Variants in SYN3 observed in about 807,000 individuals in gnomAD.
SYN3 encodes synapsin III.
A neutral mutation model predicts 65.8 loss-of-function variants in SYN3; 35 were observed. That is an observed-to-expected ratio of 0.53 (90% CI 0.41 to 0.70). The LOEUF is 0.70. Among genes scored for constraint, SYN3 ranks in the 30% least tolerant of loss-of-function variants. The probability of loss-of-function intolerance (pLI) is 0.00; values close to 1 mark genes in which losing one functional copy is unlikely to be tolerated. For synonymous variants in SYN3, 270 were observed against 292.9 expected, an observed-to-expected ratio of 0.92 and a Z score of 0.80; for missense variants, 680 against 749.0, an observed-to-expected ratio of 0.91 and a Z score of 1.08.
chr22:32,583,089 C>T (rs1387771217), intron 7 of SYN3, among the ~76,000 whole-genome samples: 1 of 152,186 alleles, frequency 6.6e-6, no homozygotes, highest in East Asian at 1.9e-4. Context: ...AGATCAGGGT[C>T]TGCCGCTAGT....
chr22:32,902,143 C>T (rs922168257), intron 4 of SYN3, among the ~76,000 whole-genome samples: 2 of 152,216 alleles, frequency 1.3e-5, no homozygotes, highest in Non-Finnish European at 2.9e-5. Context: ...CCCTAGGTGG[C>T]GGCTGTTCCC....
rs577065302 is a variant in SYN3 at position 33,047,475 on chromosome 22, G to A, written c.-163+10817C>T. Among the ~76,000 whole-genome samples, 4 of 152,158 alleles carry A rather than the reference G, an allele frequency of 2.6e-5. No individual in the cohort carries two copies. The East Asian group carries it at 7.7e-4, about 29-fold the overall frequency. ...CCCTGAGTAAAGCAGTCCTAGCCCCGAACATTTAATTCAGCTGTTGGTGCT... is the reference window on the plus strand; with the variant it reads ...CCCTGAGTAAAGCAGTCCTAGCCCCAAACATTTAATTCAGCTGTTGGTGCT... On this transcript the variant is annotated intron_variant, in intron 1 of 13. Transcript: ENST00000358763.
chr22:32,812,168 G>A (rs969134787), intron 6 of SYN3, among the ~76,000 whole-genome samples: 1 of 152,130 alleles, frequency 6.6e-6, no homozygotes, highest in Non-Finnish European at 1.5e-5. Flanking sequence ...TGCCTACTAT[G>A]GTCAAGTTTT....
At chr22:32,744,836 G>A (rs2044877972) in intron 6 of SYN3, among the ~76,000 whole-genome samples, 1 of 152,204 alleles carries the variant, frequency 6.6e-6, no homozygotes, top group East Asian at 1.9e-4. Context: ...TCTGACAAGA[G>A]GGCAGACCCA....
chr22:32,716,219 C>A (rs988017289), intron 6 of SYN3, among the ~76,000 whole-genome samples: 1 of 152,106 alleles, frequency 6.6e-6, no homozygotes, highest in Non-Finnish European at 1.5e-5. Context: ...CACTTGAGTA[C>A]CTCATCCCTT....
chr22:32,846,214 A>C (rs2048058074), intron 6 of SYN3, among the ~76,000 whole-genome samples: 1 of 152,212 alleles, frequency 6.6e-6, no homozygotes, highest in African/African-American at 2.4e-5. Context: ...ATGGGTGATA[A>C]GGTGGGATGG....
At chr22:32,613,801 GCTCTCTTGGTGT>G (rs1315076786) in intron 6 of SYN3, among the ~76,000 whole-genome samples, 1 of 152,136 alleles carries the variant, frequency 6.6e-6, no homozygotes, top group Non-Finnish European at 1.5e-5. Context: ...GGTGACTGGT[GCTCTCTTGGTGT>G]CTTTGTTGTT....
intron 8 of SYN3, among the ~76,000 whole-genome samples, chr22:32,540,317 G>A (rs1345996869): frequency 1.3e-5 from 2 of 152,200 alleles, no homozygotes; most frequent in African/African-American, 4.8e-5. Flanking sequence ...GATTCGGCCT[G>A]TGGTTGTGGT....
chr22:32,891,756 C>G (rs541251086), intron 4 of SYN3, among the ~76,000 whole-genome samples: 1 of 152,014 alleles, frequency 6.6e-6, no homozygotes, highest in Non-Finnish European at 1.5e-5. Flanking sequence ...TACATACTTC[C>G]GTATAACTCA....
At chr22:32,933,803 G>A (rs535277869) in intron 3 of SYN3, among the ~76,000 whole-genome samples, 1 of 152,210 alleles carries the variant, frequency 6.6e-6, no homozygotes, top group South Asian at 2.1e-4. Flanking sequence ...GCATTAGGTG[G>A]CTTATAACTG....
chr22:32,564,840 A>G (rs1356995051), intron 7 of SYN3, among the ~76,000 whole-genome samples: 494 of 89,606 alleles, frequency 5.5e-3, no homozygotes, highest in Middle Eastern at 9.4e-3. Flanking sequence ...CTCCCGGACT[A>G]CACCCAAACA....
chr22:32,815,959 C>T (rs1316632145), intron 6 of SYN3, among the ~76,000 whole-genome samples: 1 of 152,198 alleles, frequency 6.6e-6, no homozygotes, highest in African/African-American at 2.4e-5. Flanking sequence ...TGAGTCTCAA[C>T]ACTTTCTGCC....
chr22:32,791,028 G>A (rs1318720265), intron 6 of SYN3, among the ~76,000 whole-genome samples: 1 of 152,194 alleles, frequency 6.6e-6, no homozygotes, highest in Non-Finnish European at 1.5e-5. Context: ...ATGGGACGCT[G>A]AACTTGGAAA....
At chr22:32,810,781 C>A (rs1047145940) in intron 6 of SYN3, among the ~76,000 whole-genome samples, 3 of 152,098 alleles carry the variant, frequency 2.0e-5, no homozygotes, top group African/African-American at 7.2e-5. Flanking sequence ...TTCATGAAGA[C>A]TTGGTTTCGT....
intron 3 of SYN3, among the ~76,000 whole-genome samples, chr22:32,936,252 G>A (rs1347572996): frequency 6.6e-6 from 1 of 152,174 alleles, no homozygotes; most frequent in Non-Finnish European, 1.5e-5. Flanking sequence ...TCAGTTTTCA[G>A]GAACTAGACA....
intron 5 of SYN3, among the ~76,000 whole-genome samples, chr22:32,866,926 G>A (rs979762682): frequency 4.6e-5 from 7 of 152,198 alleles, no homozygotes; most frequent in Non-Finnish European, 1.0e-4. Flanking sequence ...CTTATTGAGT[G>A]TGTACTTTGT....
chr22:32,718,603 A>T (rs1316158390), intron 6 of SYN3, among the ~76,000 whole-genome samples: 1 of 152,162 alleles, frequency 6.6e-6, no homozygotes, highest in African/African-American at 2.4e-5. Flanking sequence ...ATGTTCAAGG[A>T]AATAAATGAA....
At chr22:32,819,952 A>C (rs1278257410) in intron 6 of SYN3, among the ~76,000 whole-genome samples, 1 of 152,130 alleles carries the variant, frequency 6.6e-6, no homozygotes, top group African/African-American at 2.4e-5. Flanking sequence ...CCATCCTACC[A>C]CATGGCTTCC....
rs528916648 is a variant in SYN3, at chr22:32,649,596, G to C, written c.712-52860C>G. 2.6e-4 allele frequency among the ~76,000 whole-genome samples: 40 copies of C among 152,318 alleles called. 1 individual carries two copies. In the South Asian group the frequency reaches 4.8e-3, roughly 18 times the overall value. ...TCTTCTTACTACACCACGGAAGAAT[G>C]GGGTGGTGGGAGGCGGAACACAACA... On this transcript the variant is annotated intron_variant, in intron 6 of 13. Transcript: ENST00000358763.
Sources: gnomAD v4.1 joint callset for allele counts (sites outside exome capture counted in the v4.1 genomes callset) on GRCh38, gnomAD v4.1.1 for gene constraint, MANE v1.5 for transcripts, NCBI Gene and HGNC (gene_info 2026-07-23, HGNC 2026-07-21) for gene names.